Variants in SH3BGR observed in about 807,000 individuals in gnomAD.
SH3BGR encodes the protein SH3 domain-binding glutamic acid-rich protein.
SH3BGR carries 29 observed loss-of-function variants against 24.5 expected under a neutral mutation model. That is an observed-to-expected ratio of 1.18 (90% CI 0.88 to 1.61). SH3BGR has a LOEUF of 1.61. SH3BGR is among the 40% of genes most tolerant of loss of function. The pLI is 0.00. For synonymous variants in SH3BGR, 55 were observed against 65.7 expected, an observed-to-expected ratio of 0.84 and a Z score of 0.79; for missense variants, 162 against 205.8, an observed-to-expected ratio of 0.79 and a Z score of 1.30.
intron 3 of SH3BGR, among the ~76,000 whole-genome samples, chr21:39,483,376 C>T (rs751870780): frequency 2.6e-5 from 4 of 152,194 alleles, no homozygotes; most frequent in Non-Finnish European, 5.9e-5. Context: ...ACTTGCCATT[C>T]ATGTCTAGGG....
At chr21:39,501,242 A>C (rs779271664) in intron 4 of SH3BGR, among the ~76,000 whole-genome samples, 5 of 152,212 alleles carry the variant, frequency 3.3e-5, no homozygotes, top group African/African-American at 7.2e-5. Context: ...ATTACACCCC[A>C]GCCCCTTTCT....
intron 3 of SH3BGR, among the ~76,000 whole-genome samples, chr21:39,494,251 CTT>C (rs143867801): frequency 6.2e-4 from 86 of 138,514 alleles, no homozygotes; most frequent in African/African-American, 2.0e-3. Flanking sequence ...TCTTCTTCTT[CTT>C]TTTTTTTTTA....
rs374920169 is a variant in SH3BGR at position 39,499,786 on chromosome 21, T to C, written c.313-37T>C. 74 of 1,501,272 alleles carry C rather than the reference T, an allele frequency of 4.9e-5. No homozygotes were observed. The African/African-American group carries it at 7.7e-4, about 16-fold the overall frequency. 93.0% of individuals were successfully genotyped at this position (1,501,272 alleles called of 1,614,324 possible). A position where few individuals can be genotyped will look rare whatever the true frequency, so the allele number is the denominator to read the frequency against. ...CCTGTTTTTTTTTTTCTTTTTTCTG[T>C]TTTTGAGCTCATATCCTGGGTTTCC... is the stretch of plus-strand genomic sequence containing the variant. On this transcript the variant is annotated intron_variant, in intron 3 of 6. Coordinates refer to ENST00000333634, the MANE Select transcript of SH3BGR (RefSeq NM_007341.3).
intron 3 of SH3BGR, among the ~76,000 whole-genome samples, chr21:39,492,763 C>T (rs549515201): frequency 6.6e-6 from 1 of 152,224 alleles, no homozygotes; most frequent in East Asian, 1.9e-4. Context: ...GTTCCCTGTT[C>T]ACTGCATCCA....
intron 5 of SH3BGR, among the ~76,000 whole-genome samples, 169 bp downstream of exon 5, chr21:39,509,196 TAA>T: frequency 6.6e-6 from 1 of 152,112 alleles, no homozygotes; most frequent in Non-Finnish European, 1.5e-5. Context: ...AAGTTGGAGA[TAA>T]GTTTGTCCGA....
rs773155016 is a variant in SH3BGR, at chr21:39,462,415, C to T, written c.86C>T (p.Ala29Val). 4.3e-6 allele frequency: 7 copies of T among 1,609,890 alleles called. No individual in the cohort carries two copies. Among genetic ancestry groups the T allele is most frequent in the Middle Eastern group, 3.3e-4 (2 of 6,050 alleles). ...KQQEVVGFLE[A>V]NKIDFKELDI... ...CAAGAAGTAGTGGGTTTTTTGGAAG[C>T]GAATAAAATCGACTTTAAGGAATTA... Residue 29 changes from alanine to valine, a missense_variant, in exon 2 of 7, where the codon GCG becomes GTG. Physicochemically the swap from Ala to Val is moderately conservative, Grantham distance 64. Transcript: ENST00000333634.
At chr21:39,470,104 C>T (rs184248053) in intron 2 of SH3BGR, among the ~76,000 whole-genome samples, 22 of 151,294 alleles carry the variant, frequency 1.5e-4, no homozygotes, top group Non-Finnish European at 2.7e-4. Context: ...TTTTTTTAAT[C>T]CTTTCTTGAT....
chr21:39,457,296 A>G (rs1319969728), intron 1 of SH3BGR, among the ~76,000 whole-genome samples: 4 of 140,388 alleles, frequency 2.8e-5, no homozygotes, highest in Non-Finnish European at 3.1e-5. Context: ...TTATTATAAT[A>G]TAGTTACATA....
intron 3 of SH3BGR, among the ~76,000 whole-genome samples, chr21:39,483,382 TA>T (rs1474542476): frequency 6.6e-6 from 1 of 152,248 alleles, no homozygotes; most frequent in Non-Finnish European, 1.5e-5. Flanking sequence ...CATTCATGTC[TA>T]GGGACATCCC....
At chr21:39,455,577 T>A (rs1390815555) in intron 1 of SH3BGR, among the ~76,000 whole-genome samples, 1 of 152,228 alleles carries the variant, frequency 6.6e-6, no homozygotes, top group African/African-American at 2.4e-5. Flanking sequence ...AGCTGCACTT[T>A]GCAGGCCCAC....
intron 3 of SH3BGR, among the ~76,000 whole-genome samples, chr21:39,478,043 A>G (rs986977619): frequency 1.3e-5 from 2 of 152,158 alleles, no homozygotes; most frequent in Non-Finnish European, 2.9e-5. Context: ...AACACAGTGC[A>G]TTGTTATTTG....
chr21:39,468,040 C>T (rs1238631121), intron 2 of SH3BGR, among the ~76,000 whole-genome samples: 2 of 152,172 alleles, frequency 1.3e-5, no homozygotes, highest in South Asian at 2.1e-4. Context: ...CATTTTAGCC[C>T]AGGTAAGGGC....
At chr21:39,510,222 G>A (rs11701232) in intron 5 of SH3BGR, among the ~76,000 whole-genome samples, 65,863 of 150,502 alleles carry the variant, frequency 0.44, 19,249 homozygotes, top group East Asian at 0.68. Flanking sequence ...GATTACAGGC[G>A]TGAGCCACCG....
intron 3 of SH3BGR, among the ~76,000 whole-genome samples, chr21:39,478,732 C>A (rs181165137): frequency 1.3e-5 from 2 of 151,562 alleles, no homozygotes; most frequent in African/African-American, 4.8e-5. Flanking sequence ...TTGTATTTTT[C>A]TGCTTTCTGG....
At chr21:39,513,354 T>C (rs75665121) in intron 6 of SH3BGR, among the ~76,000 whole-genome samples, 13,047 of 152,168 alleles carry the variant, frequency 0.086, 813 homozygotes, top group African/African-American at 0.17. Flanking sequence ...TCTTTAAAAA[T>C]TGGCTGACAA....
intron 1 of SH3BGR, among the ~76,000 whole-genome samples, chr21:39,457,853 A>C (rs1163167875): frequency 1.3e-5 from 2 of 152,002 alleles, no homozygotes; most frequent in Non-Finnish European, 2.9e-5. Flanking sequence ...GACCCTGGGG[A>C]GATTGAGACT....
At chr21:39,451,168 T>C (rs865836238), upstream of SH3BGR, among the ~76,000 whole-genome samples, 1 of 152,220 alleles carries the variant, frequency 6.6e-6, no homozygotes, top group Non-Finnish European at 1.5e-5. Context: ...AATATTAACA[T>C]GTATAAACAC....
At chr21:39,487,281 C>T (rs779145971) in intron 3 of SH3BGR, among the ~76,000 whole-genome samples, 25 of 151,844 alleles carry the variant, frequency 1.6e-4, no homozygotes, top group South Asian at 4.2e-4. Flanking sequence ...TAACTGGGAC[C>T]GCAGATATGC....
At chr21:39,446,576 A>T (rs997620949) in intron 1 of SH3BGR, among the ~76,000 whole-genome samples, 7 of 152,066 alleles carry the variant, frequency 4.6e-5, no homozygotes, top group East Asian at 1.9e-4. Context: ...TTTTCTTAAA[A>T]TTTTTTTGCC....
Sources: gnomAD v4.1 joint callset for allele counts (sites outside exome capture counted in the v4.1 genomes callset) on GRCh38, gnomAD v4.1.1 for gene constraint, MANE v1.5 for transcripts, NCBI Gene and HGNC (gene_info 2026-07-23, HGNC 2026-07-21) for gene names.